The following RPS6KA2 variants were observed in gnomAD, a reference collection of about 807,000 sequenced individuals.
RPS6KA2 encodes ribosomal protein S6 kinase alpha-2.
Under a neutral mutation model 91.8 loss-of-function variants are expected in RPS6KA2, and 42 were observed. That is an observed-to-expected ratio of 0.46 (90% confidence interval 0.36 to 0.59). RPS6KA2 has a LOEUF of 0.59. Ranked by LOEUF, RPS6KA2 falls within the 20% of genes least tolerant of loss-of-function variation. The pLI is 0.00. For synonymous variants in RPS6KA2, 414 were observed against 393.6 expected (o/e 1.05, Z -0.61); for missense variants, 798 against 978.5 (o/e 0.82, Z 2.46).
In RPS6KA2 at chr6:166,539,887, G is replaced by A. The variant is rs915445168; in HGVS notation, c.100-1103C>T. On this transcript the variant is annotated intron_variant, in intron 1 of 20. Coordinates refer to ENST00000265678, the MANE Select transcript of RPS6KA2 (RefSeq NM_021135.6). ...TTTCTGTTCCACTATCTATACATTC[G>A]TACACCCCTTTCTACAGTTTTAGCT... Among the ~76,000 whole-genome samples, 7 of 152,136 alleles carry A rather than the reference G, an allele frequency of 4.6e-5. No individual in the cohort carries two copies. In the South Asian group the frequency reaches 8.3e-4, roughly 18 times the overall value.
intron 2 of RPS6KA2, among the ~76,000 whole-genome samples, chr6:166,536,642 C>T (rs777071191): frequency 3.9e-5 from 6 of 152,146 alleles, no homozygotes; most frequent in African/African-American, 9.7e-5. Flanking sequence ...TCCCTTCCCA[C>T]GCCAGCCCCA....
At chr6:166,842,522 G>A (rs910769000) in intron 2 of RPS6KA2, among the ~76,000 whole-genome samples, 5 of 152,182 alleles carry the variant, frequency 3.3e-5, no homozygotes, top group Non-Finnish European at 5.9e-5. Flanking sequence ...GCTCCAGAAC[G>A]GTGAGGGAGT....
At chr6:166,766,753 C>G (rs1017448961) in intron 2 of RPS6KA2, among the ~76,000 whole-genome samples, 1 of 152,234 alleles carries the variant, frequency 6.6e-6, no homozygotes, top group African/African-American at 2.4e-5. Context: ...ACTCAAGTAA[C>G]TACAGGAATG....
Position 166,493,200 on chromosome 6 carries a change from G to T in RPS6KA2, c.748-2459C>A, listed in dbSNP as rs1462821441. 6.6e-6 allele frequency among the ~76,000 whole-genome samples: 1 copy of T among 152,104 alleles called. No homozygotes were observed. The highest frequency in any genetic ancestry group is 1.5e-5 in the Non-Finnish European group (1 of 68,018). On this transcript the variant is annotated intron_variant, in intron 8 of 20. Coordinates refer to ENST00000265678, the MANE Select transcript of RPS6KA2 (RefSeq NM_021135.6). The surrounding 1 kb of genome is among the most constrained non-coding windows in gnomAD (Gnocchi z 4.7). ...CAGCACCCATGAATATTCAACAACTGCTTCTTGGTGATGAAGGTGCTGCTG... is the reference window on the plus strand; with the variant it reads ...CAGCACCCATGAATATTCAACAACTTCTTCTTGGTGATGAAGGTGCTGCTG...
At chr6:166,651,825 A>G (rs945730925) in intron 2 of RPS6KA2, among the ~76,000 whole-genome samples, 3 of 152,212 alleles carry the variant, frequency 2.0e-5, no homozygotes, top group African/African-American at 7.2e-5. Context: ...CCATTTGGAG[A>G]AGGATATCAC....
intron 2 of RPS6KA2, among the ~76,000 whole-genome samples, chr6:166,681,620 G>A (rs1211417439): frequency 2.7e-5 from 4 of 150,118 alleles, no homozygotes; most frequent in East Asian, 2.0e-4. Context: ...GGTGATTCCC[G>A]TGTCCCAGTT....
chr6:166,561,646 C>T (rs1784348893), intron 1 of RPS6KA2, among the ~76,000 whole-genome samples: 1 of 152,026 alleles, frequency 6.6e-6, no homozygotes, highest in South Asian at 2.1e-4. Context: ...GGCTGCTTGA[C>T]TCTTGCTTTC....
In RPS6KA2 at chr6:166,805,815, T is replaced by C. The variant is rs1157091439; in HGVS notation, c.123+52385A>G. Among the ~76,000 whole-genome samples, 5 of 152,126 alleles carry C rather than the reference T, an allele frequency of 3.3e-5. No homozygotes were observed. In the East Asian group the frequency reaches 9.6e-4, roughly 29 times the overall value. On this transcript the variant is annotated intron_variant, in intron 2 of 21. Coordinates refer to the RPS6KA2 transcript ENST00000503859. ...GAAAAAGACCTGATGGTAGATCTAC[T>C]AGACAGACTTTAAAACAACAGTCTT...
At chr6:166,703,126 C>T (rs577831945) in intron 2 of RPS6KA2, among the ~76,000 whole-genome samples, 126 of 152,320 alleles carry the variant, frequency 8.3e-4, no homozygotes, top group African/African-American at 2.5e-3. Context: ...CATTTTTTAA[C>T]CATAATGCTC....
Position 166,430,610 on chromosome 6 carries a change from A to G in RPS6KA2, c.1424T>C (p.Val475Ala). Residue 475 changes from valine to alanine, a missense_variant and splice_region_variant, in exon 16 of 21, where the codon GTC becomes GCC. By Grantham distance (64) the Val-to-Ala change is moderately conservative. Coordinates refer to ENST00000265678, the MANE Select transcript of RPS6KA2 (RefSeq NM_021135.6). ...QHPNIITLKD[V>A]YDDGKFVYLV... is the part of the protein sequence containing the mutation. ...GTACACAAACTTGCCATCATCATAG[A>G]CCTGCGGAGTGGAGAAGGGGCGCAC... The G allele has an allele frequency of 6.2e-7, 1 of 1,611,018 alleles. No individual in the cohort carries two copies. The highest frequency in any genetic ancestry group is 8.5e-7 in the Non-Finnish European group (1 of 1,177,960).
rs1458784482 is a variant in RPS6KA2, at chr6:166,695,860, C to T, written c.124-157076G>A. 2.0e-5 allele frequency among the ~76,000 whole-genome samples: 3 copies of T among 151,768 alleles called. 1 individual carries two copies. The highest frequency in any genetic ancestry group is 4.4e-5 in the Non-Finnish European group (3 of 68,002). On this transcript the variant is annotated intron_variant, in intron 2 of 21. Coordinates refer to the RPS6KA2 transcript ENST00000503859. ...TGGATTCTCACAGGAGCACTGGATT[C>T]TCATAGGAGCACTAAATTCTCATAG...
chr6:166,570,616 A>G (rs1433412297), intron 1 of RPS6KA2, among the ~76,000 whole-genome samples: 1 of 152,224 alleles, frequency 6.6e-6, no homozygotes, highest in Non-Finnish European at 1.5e-5. Flanking sequence ...TAAAATAAAT[A>G]CAGCAGATCT....
chr6:166,494,102 G>A lies in RPS6KA2; in HGVS notation c.748-3361C>T, dbSNP rs1781698811. ...CTAACATTTTAATCTGAAAACAGGCGAGGACAAGCCCTGACCTGAGATGGA... is the reference window on the plus strand; with the variant it reads ...CTAACATTTTAATCTGAAAACAGGCAAGGACAAGCCCTGACCTGAGATGGA... On this transcript the variant is annotated intron_variant, in intron 8 of 20. Transcript: ENST00000265678. This position sits in a 1 kb window ranked among gnomAD's most constrained non-coding sequence, Gnocchi z 5.1. 1.3e-5 allele frequency among the ~76,000 whole-genome samples: 2 copies of A among 152,150 alleles called. No individual in the cohort carries two copies. Among genetic ancestry groups the A allele is most frequent in the South Asian group, 2.1e-4 (1 of 4,812 alleles).
chr6:166,417,855 C>CA (rs2128438906), intron 19 of RPS6KA2, among the ~76,000 whole-genome samples: 1 of 152,124 alleles, frequency 6.6e-6, no homozygotes, highest in South Asian at 2.1e-4. Context: ...CACTTGAGGT[C>CA]AGGAGTTCAA....
At position 166,733,427 on chromosome 6, in the gene RPS6KA2, C is replaced by T. The variant is rs1052143444; in HGVS notation, c.123+124773G>A. 5.3e-5 allele frequency among the ~76,000 whole-genome samples: 8 copies of T among 152,232 alleles called. No individual in the cohort carries two copies. The highest frequency in any genetic ancestry group is 1.0e-4 in the Non-Finnish European group (7 of 68,008). On this transcript the variant is annotated intron_variant, in intron 2 of 21. Transcript: ENST00000503859. This position sits in a 1 kb window ranked among gnomAD's most constrained non-coding sequence, Gnocchi z 4.1. ...GTCGTCCAGGAAATTTAGAGGCCAA[C>T]GAGGGCAGGATCTACTCCCAAAAAG... is the stretch of plus-strand genomic sequence containing the variant.
chr6:166,808,417 A>G (rs1043441788), intron 2 of RPS6KA2, among the ~76,000 whole-genome samples: 2 of 152,144 alleles, frequency 1.3e-5, no homozygotes, highest in Non-Finnish European at 2.9e-5. Flanking sequence ...ACAATTGATT[A>G]TTATTACTGT....
chr6:166,628,797 T>C (rs534677709), upstream of RPS6KA2, among the ~76,000 whole-genome samples: 1 of 152,388 alleles, frequency 6.6e-6, no homozygotes, highest in East Asian at 1.9e-4. Context: ...AAGAGGCTTA[T>C]GCAAGATCAC....
At chr6:166,855,456 A>AGAAGAG (rs1222079978) in intron 2 of RPS6KA2, among the ~76,000 whole-genome samples, 1 of 117,464 alleles carries the variant, frequency 8.5e-6, no homozygotes, top group Non-Finnish European at 1.9e-5. Context: ...AAGAGGAAGA[A>AGAAGAG]GAAGAGGAAG....
intron 2 of RPS6KA2, among the ~76,000 whole-genome samples, chr6:166,820,865 A>C (rs979638959): frequency 6.6e-6 from 1 of 152,252 alleles, no homozygotes; most frequent in African/African-American, 2.4e-5. Context: ...AATTATAATT[A>C]ACCAATTACT....
Sources: gnomAD v4.1 joint callset for allele counts (sites outside exome capture counted in the v4.1 genomes callset) on GRCh38, gnomAD v4.1.1 for gene constraint, Gnocchi (gnomAD v3.1) non-coding constraint, MANE v1.5 for transcripts, NCBI Gene and HGNC (gene_info 2026-07-23, HGNC 2026-07-21) for gene names.